The following NUDCD3 variants were observed in gnomAD, a reference collection of about 807,000 sequenced individuals.
NUDCD3 encodes NudC domain containing 3.
NUDCD3 carries 13 observed loss-of-function variants against 39.7 expected under a neutral mutation model. That is an observed-to-expected ratio of 0.33 (90% CI 0.21 to 0.52). The LOEUF is 0.52. Among genes scored for constraint, NUDCD3 ranks in the 20% least tolerant of loss-of-function variants. The probability of loss-of-function intolerance (pLI) is 0.96; values close to 1 mark genes in which losing one functional copy is unlikely to be tolerated. For synonymous variants in NUDCD3, 175 were observed against 172.4 expected (o/e 1.02, Z -0.12); for missense variants, 453 against 458.1 (o/e 0.99, Z 0.10).
chr7:44,421,267 G>C (rs1799131627), intron 3 of NUDCD3, among the ~76,000 whole-genome samples: 1 of 148,060 alleles, frequency 6.8e-6, no homozygotes, highest in Non-Finnish European at 1.5e-5. Flanking sequence ...CTGGGAGGCA[G>C]AGGTTGCAGT....
chr7:44,386,269 A>C, intron 5 of NUDCD3, 148 bp from the exon 6 acceptor site: 1 of 819,990 alleles, frequency 1.2e-6, no homozygotes, highest in Non-Finnish European at 1.9e-6. Flanking sequence ...AGAGAACTGT[A>C]CTACCCTGGA....
chr7:44,432,883 T>A (rs1799390911), intron 2 of NUDCD3, among the ~76,000 whole-genome samples: 1 of 152,204 alleles, frequency 6.6e-6, no homozygotes, highest in South Asian at 2.1e-4. Flanking sequence ...AACATCTGGG[T>A]GCAATGTACA....
At chr7:44,452,038 T>G (rs1471279568) in intron 2 of NUDCD3, among the ~76,000 whole-genome samples, 1 of 152,168 alleles carries the variant, frequency 6.6e-6, no homozygotes, top group Non-Finnish European at 1.5e-5. Flanking sequence ...CTCCCTGTGC[T>G]ACGAGGATGG....
At position 44,404,553 on chromosome 7, in the gene NUDCD3, G is replaced by A. The variant is rs748688442; in HGVS notation, c.673C>T (p.Arg225Cys). ...VSVALSSSSI[R>C]VAMLEENGER... ...CCATTTTCCTCCAGCATGGCCACAC[G>A]AATGGAGCTGCTGCTAAGGGCCACT... Residue 225 changes from arginine to cysteine, a missense_variant, in exon 4 of 6, where the codon CGT becomes TGT. Physicochemically the swap from Arg to Cys is radical, Grantham distance 180. Coordinates refer to ENST00000355451, the MANE Select transcript of NUDCD3 (RefSeq NM_015332.4). 1.6e-5 allele frequency: 26 copies of A among 1,613,780 alleles called. No individual in the cohort carries two copies. In the Middle Eastern group the frequency reaches 8.2e-4, roughly 51 times the overall value.
intron 4 of NUDCD3, among the ~76,000 whole-genome samples, chr7:44,399,216 C>A (rs1346640230): frequency 6.6e-6 from 1 of 152,234 alleles, no homozygotes; most frequent in African/African-American, 2.4e-5. Context: ...TCCACTCACA[C>A]TGGAACAGGT....
At chr7:44,487,138 C>T (rs1413723150) in intron 1 of NUDCD3, among the ~76,000 whole-genome samples, 1 of 152,156 alleles carries the variant, frequency 6.6e-6, no homozygotes, top group African/African-American at 2.4e-5. Flanking sequence ...TCAGTCTAAA[C>T]GATTTTTGTC....
In NUDCD3 at chr7:44,412,951, A is replaced by AAAAAAG. The variant is rs1554489215; in HGVS notation, c.643-8369_643-8368insCTTTTT. On this transcript the variant is annotated intron_variant, in intron 3 of 5. Coordinates refer to ENST00000355451, the MANE Select transcript of NUDCD3 (RefSeq NM_015332.4). ...CAAAAAAAAAAAAAAAAGAAAAAAA[A>AAAAAAG]AAAGAAAGAAACCATTGACCATTGG... Among the ~76,000 whole-genome samples the AAAAAAG allele has an allele frequency of 1.7e-3, 249 of 144,414 alleles. 3 individuals are homozygous for AAAAAAG. The highest frequency in any genetic ancestry group is 2.8e-3 in the Non-Finnish European group (182 of 65,300). 94.7% of individuals were successfully genotyped at this position (144,414 alleles called of 152,430 possible). A position where few individuals can be genotyped will look rare whatever the true frequency, so the allele number is the denominator to read the frequency against.
At chr7:44,403,688 C>T (rs1798764260) in intron 4 of NUDCD3, among the ~76,000 whole-genome samples, 1 of 152,212 alleles carries the variant, frequency 6.6e-6, no homozygotes, top group Admixed American at 6.5e-5. Flanking sequence ...AAACAGATAC[C>T]TTTATTGCAT....
intron 2 of NUDCD3, among the ~76,000 whole-genome samples, chr7:44,458,060 C>T (rs1243581040): frequency 6.6e-6 from 1 of 152,196 alleles, no homozygotes; most frequent in East Asian, 1.9e-4. Flanking sequence ...CTCATAATAG[C>T]AATCCAACTG....
chr7:44,484,055 CAGAA>C (rs1800551138), intron 2 of NUDCD3, among the ~76,000 whole-genome samples: 2 of 152,106 alleles, frequency 1.3e-5, no homozygotes, highest in Non-Finnish European at 2.9e-5. Flanking sequence ...CAAAACACGT[CAGAA>C]AGAGAGTAAA....
intron 2 of NUDCD3, among the ~76,000 whole-genome samples, chr7:44,432,052 A>T (rs1799374513): frequency 6.6e-6 from 1 of 152,080 alleles, no homozygotes; most frequent in Non-Finnish European, 1.5e-5. Flanking sequence ...GGAGGCCAAA[A>T]CAGGAGGATT....
chr7:44,397,848 C>T (rs998925504), intron 4 of NUDCD3, among the ~76,000 whole-genome samples: 1 of 152,086 alleles, frequency 6.6e-6, no homozygotes, highest in African/African-American at 2.4e-5. Context: ...TGATGATTTA[C>T]GGAACAGGGT....
At chr7:44,478,308 TGG>T (rs1172848107) in intron 2 of NUDCD3, among the ~76,000 whole-genome samples, 1 of 152,194 alleles carries the variant, frequency 6.6e-6, no homozygotes, top group East Asian at 1.9e-4. Flanking sequence ...TCCAGCACTT[TGG>T]GAGACCGAGA....
rs143123982 is a variant in NUDCD3, at chr7:44,381,489, C to G, written c.*4522G>C. 6.6e-6 allele frequency: 1 copy of G among 152,248 alleles called. No homozygotes were observed. Among genetic ancestry groups the G allele is most frequent in the African/African-American group, 2.4e-5 (1 of 41,416 alleles). The allele number at this position is 152,248 out of a possible 1,614,324, so 9.4% of individuals were successfully genotyped here. On this transcript the variant is annotated 3_prime_UTR_variant, in exon 6 of 6. Transcript: ENST00000355451. ...GGCAGGATCCTGGACCTGGGCCCCC[C>G]GAGTCACCAGCCACATGGCCTTGGG...
In NUDCD3 at chr7:44,380,792, C is replaced by T. The variant is rs548976714; in HGVS notation, c.*5219G>A. On this transcript the variant is annotated 3_prime_UTR_variant, in exon 6 of 6. Transcript: ENST00000355451. ...AGAGCAGCTTCCTAAACTCCCTAGTCCAGCAGAGGTTAGGGCTCGCTTTCC... is the reference window on the plus strand; with the variant it reads ...AGAGCAGCTTCCTAAACTCCCTAGTTCAGCAGAGGTTAGGGCTCGCTTTCC... 7 of 152,312 alleles carry T rather than the reference C, an allele frequency of 4.6e-5. No individual in the cohort carries two copies. The highest frequency in any genetic ancestry group is 1.0e-4 in the Non-Finnish European group (7 of 68,104). 9.4% of individuals were successfully genotyped at this position (152,312 alleles called of 1,614,324 possible).
chr7:44,483,324 A>G (rs1800534158), intron 2 of NUDCD3, among the ~76,000 whole-genome samples: 1 of 152,224 alleles, frequency 6.6e-6, no homozygotes, highest in Non-Finnish European at 1.5e-5. Context: ...AAGAAAAACA[A>G]AAACAAAAAA....
At chr7:44,422,875 C>A (rs1052735652) in intron 3 of NUDCD3, among the ~76,000 whole-genome samples, 1 of 152,192 alleles carries the variant, frequency 6.6e-6, no homozygotes, top group Non-Finnish European at 1.5e-5. Flanking sequence ...CCCTGATGAA[C>A]GTCGATGTGA....
Position 44,485,060 on chromosome 7 carries a change from C to T in NUDCD3, c.417G>A (p.Val139=). The T allele has an allele frequency of 6.2e-7, 1 of 1,614,208 alleles. No homozygotes were observed. Among genetic ancestry groups the T allele is most frequent in the Non-Finnish European group, 8.5e-7 (1 of 1,180,034 alleles). Residue 139 remains valine (V), a synonymous_variant, in exon 2 of 6, where the codon GTG becomes GTA. Coordinates refer to ENST00000355451, the MANE Select transcript of NUDCD3 (RefSeq NM_015332.4). ...CCTGTGAACCATGGGCCATTTCCTT[C>T]ACAGGGCCTGGAGGCTGCACTTTCT... ...EVEKVQPPGP[V]KEMAHGSQEA...
At chr7:44,422,223 A>G (rs1799153765) in intron 3 of NUDCD3, among the ~76,000 whole-genome samples, 1 of 152,198 alleles carries the variant, frequency 6.6e-6, no homozygotes, top group African/African-American at 2.4e-5. Flanking sequence ...ATTGCAATTA[A>G]AAGAACTAGA....
Sources: gnomAD v4.1 joint callset for allele counts (sites outside exome capture counted in the v4.1 genomes callset) on GRCh38, gnomAD v4.1.1 for gene constraint, MANE v1.5 for transcripts, NCBI Gene and HGNC (gene_info 2026-07-23, HGNC 2026-07-21) for gene names.